SHOC1: variants seen among roughly 807,000 people sequenced by gnomAD.
SHOC1 encodes the protein shortage in chiasmata 1, also known as protein shortage in chiasmata 1 ortholog.
Under a neutral mutation model 179.2 loss-of-function variants are expected in SHOC1, and 136 were observed. The observed-to-expected ratio is 0.76, with a 90% confidence interval of 0.66 to 0.87. The LOEUF (loss-of-function observed/expected upper bound fraction) is 0.87, where lower values mean the gene tolerates loss of function less well. SHOC1 is among the 40% of genes least tolerant of loss of function. The pLI is 0.00. For missense variants in SHOC1, 1,538 were observed against 1,700.8 expected, an observed-to-expected ratio of 0.90 and a Z score of 1.68; for synonymous variants, 489 against 586.6, an observed-to-expected ratio of 0.83 and a Z score of 2.41.
intron 26 of SHOC1, 58 bp downstream of exon 26, chr9:111,693,741 G>A: frequency 9.0e-7 from 1 of 1,107,286 alleles, no homozygotes; most frequent in Admixed American, 2.7e-5. Context: ...TGTAAAAATA[G>A]ATACTCAAAT....
At chr9:111,768,662 A>G (rs1039742391) in intron 5 of SHOC1, among the ~76,000 whole-genome samples, 2 of 152,328 alleles carry the variant, frequency 1.3e-5, no homozygotes, top group African/African-American at 4.8e-5. Context: ...GGTAAATTGC[A>G]TAAATCTTTG....
chr9:111,741,597 C>T (rs201722200), intron 10 of SHOC1, 27 bp from the exon 11 acceptor site: 1 of 1,197,834 alleles, frequency 8.3e-7, no homozygotes, highest in Non-Finnish European at 1.2e-6. Flanking sequence ...AAGTTTAATA[C>T]ATTAATAATA....
chr9:111,734,479 T>G (rs1042248422), intron 12 of SHOC1, among the ~76,000 whole-genome samples: 35 of 152,236 alleles, frequency 2.3e-4, no homozygotes, highest in African/African-American at 8.4e-4. Context: ...GTGTATTTGC[T>G]TGATATTGTC....
At chr9:111,703,812 G>T (rs1832103251) in intron 22 of SHOC1, 69 bp downstream of exon 22, 4 of 766,706 alleles carry the variant, frequency 5.2e-6, no homozygotes, top group South Asian at 2.4e-5. Context: ...CTACAGAAAA[G>T]ATAATAACAA....
chr9:111,714,573 A>C lies in SHOC1; in HGVS notation c.2287T>G (p.Leu763Val), dbSNP rs377500619. ...TCCAGCTGTCTCCAAATGTCACCCA[A>C]ATAGGGGCCTAAAATGCTGTTGTAG... ...DIYNSILGPYLGDIWRQLEIV... is the reference protein window; with the variant it reads ...DIYNSILGPYVGDIWRQLEIV... The change falls in exon 17 of 28, where the codon TTG becomes GTG. Residue 763 changes from leucine to valine, a missense_variant. Coordinates refer to ENST00000682961, the MANE Select transcript of SHOC1 (RefSeq NM_001378211.1). 6 of 1,613,756 alleles carry C rather than the reference A, an allele frequency of 3.7e-6. No homozygotes were observed. In the South Asian group the frequency reaches 6.6e-5, roughly 18 times the overall value.
Position 111,692,186 on chromosome 9 carries a change from A to G in SHOC1, c.3791T>C (p.Ile1264Thr), listed in dbSNP as rs1202791251. The change falls in exon 27 of 28, where the codon ATA (isoleucine) becomes ACA (threonine). Residue 1264 changes from isoleucine to threonine, a missense_variant. Transcript: ENST00000682961. Reference sequence around the variant, plus strand: ...AATTAGAAAAGGAGTATTCTGCCCTATATTAGATTTACAGCTGGAGTCTTT... The same window carrying G: ...AATTAGAAAAGGAGTATTCTGCCCTGTATTAGATTTACAGCTGGAGTCTTT... The part of the protein sequence containing the change: ...YWKDSSCKSN[I>T]GQNTPFLINI... The G allele has an allele frequency of 4.3e-6, 7 of 1,613,662 alleles. No individual in the cohort carries two copies. Among genetic ancestry groups the G allele is most frequent in the East Asian group, 4.5e-5 (2 of 44,872 alleles).
Position 111,756,410 on chromosome 9 carries a change from T to A in SHOC1, c.777A>T (p.Pro259=). 6.2e-7 allele frequency: 1 copy of A among 1,611,184 alleles called. No homozygotes were observed. The highest frequency in any genetic ancestry group is 1.1e-5 in the South Asian group (1 of 90,800). Residue 259 remains proline, a synonymous_variant, in exon 8 of 28, where the codon CCA becomes CCT. Transcript: ENST00000682961. The part of the protein sequence containing the change: ...PPSLKPEIDI[P]SLSELKELLN... The stretch of plus-strand genomic sequence containing the variant: ...ATAACTCCTTCAGTTCTGAGAGTGA[T>A]GGAATATCAATTTCTGGTTTGAGGC...
intron 8 of SHOC1, among the ~76,000 whole-genome samples, 179 bp downstream of exon 8, chr9:111,756,146 C>T (rs184139167): frequency 6.6e-5 from 10 of 152,116 alleles, no homozygotes; most frequent in Non-Finnish European, 1.2e-4. Context: ...ACAACAACAA[C>T]AAGAAAATGA....
At chr9:111,780,102 CTA>C (rs1163256779) in intron 4 of SHOC1, among the ~76,000 whole-genome samples, 1 of 152,038 alleles carries the variant, frequency 6.6e-6, no homozygotes, top group Non-Finnish European at 1.5e-5. Context: ...TTAATTTTTT[CTA>C]TGTTTATCTA....
At position 111,759,366 on chromosome 9, in the gene SHOC1, T is replaced by C. The variant is rs942935397; in HGVS notation, c.443-518A>G. ...TCTTAAGTTATTCACATGGTTGCTA[T>C]AAAATTATTTACAGTGAAAGTTTTA... On this transcript the variant is annotated intron_variant, in intron 5 of 27. Coordinates refer to ENST00000682961, the MANE Select transcript of SHOC1 (RefSeq NM_001378211.1). 5.4e-6 allele frequency: 8 copies of C among 1,482,636 alleles called. No homozygotes were observed. In the African/African-American group the frequency reaches 9.8e-5, roughly 18 times the overall value. The allele number at this position is 1,482,636 out of a possible 1,614,324, so 91.8% of individuals were successfully genotyped here.
intron 5 of SHOC1, among the ~76,000 whole-genome samples, chr9:111,772,479 G>C (rs1490102561): frequency 6.6e-6 from 1 of 152,064 alleles, no homozygotes; most frequent in East Asian, 1.9e-4. Context: ...TGTTTCTTGT[G>C]GGTATATGTC....
rs1834273120 is a variant in SHOC1, at chr9:111,746,258, A to C, written c.1055T>G (p.Phe352Cys). The C allele has an allele frequency of 2.5e-6, 4 of 1,607,380 alleles. No individual in the cohort carries two copies. The East Asian group carries it at 8.9e-5, about 36-fold the overall frequency. Residue 352 changes from phenylalanine to cysteine, a missense_variant, in exon 10 of 28, where the codon TTT becomes TGT. Physicochemically the swap from Phe to Cys is radical, Grantham distance 205. Transcript: ENST00000682961. The stretch of plus-strand genomic sequence containing the variant: ...CATTTTACAAACCGGAGATAATGGA[A>C]ATGTCTGAAGTTCTGTACGTAATGA... ...VNSLRTELQT[F>C]PLSPVCKINL...
chr9:111,717,798 T>TA (rs1341311008), intron 16 of SHOC1, among the ~76,000 whole-genome samples: 1 of 152,148 alleles, frequency 6.6e-6, no homozygotes, highest in East Asian at 1.9e-4. Flanking sequence ...GAAAAGATCT[T>TA]ACTCCTTATA....
chr9:111,753,098 G>A (rs1834673092), intron 8 of SHOC1, among the ~76,000 whole-genome samples: 1 of 152,064 alleles, frequency 6.6e-6, no homozygotes, highest in African/African-American at 2.4e-5. Flanking sequence ...AGTGACTGTG[G>A]AACAATTTAT....
chr9:111,757,602 C>T (rs1206313672), intron 7 of SHOC1, among the ~76,000 whole-genome samples: 2 of 152,160 alleles, frequency 1.3e-5, no homozygotes, highest in Non-Finnish European at 2.9e-5. Context: ...AAGATGCTAT[C>T]ATCCTTGTTA....
intron 18 of SHOC1, among the ~76,000 whole-genome samples, chr9:111,710,700 GC>G (rs1439016500): frequency 6.6e-6 from 1 of 152,090 alleles, no homozygotes; most frequent in Non-Finnish European, 1.5e-5. Flanking sequence ...GCACATAATG[GC>G]CTGAGAGCAC....
At chr9:111,757,910 G>A (rs1048670622) in intron 7 of SHOC1, among the ~76,000 whole-genome samples, 174 bp downstream of exon 7, 3 of 152,042 alleles carry the variant, frequency 2.0e-5, no homozygotes, top group Non-Finnish European at 2.9e-5. Context: ...CCAACATACA[G>A]CCAAGGCTGA....
chr9:111,750,294 GT>G (rs201170254), intron 8 of SHOC1, among the ~76,000 whole-genome samples: 5 of 150,856 alleles, frequency 3.3e-5, no homozygotes, highest in South Asian at 2.1e-4. Flanking sequence ...GGATGTTAAG[GT>G]TTTTTTTTCA....
chr9:111,705,391 TTC>T (rs1832215228), intron 20 of SHOC1, 27 bp from the exon 21 acceptor site: 3 of 1,131,504 alleles, frequency 2.7e-6, no homozygotes, highest in South Asian at 1.8e-5. Flanking sequence ...TTATAAATAT[TTC>T]TCTTTTATTC....
Sources: gnomAD v4.1 joint callset for allele counts (sites outside exome capture counted in the v4.1 genomes callset) on GRCh38, gnomAD v4.1.1 for gene constraint, MANE v1.5 for transcripts, NCBI Gene and HGNC (gene_info 2026-07-23, HGNC 2026-07-21) for gene names.